KRT82: variants seen among roughly 807,000 people sequenced by gnomAD.
The protein encoded by KRT82 is keratin, type II cuticular Hb2.
A neutral mutation model predicts 48.0 loss-of-function variants in KRT82; 44 were observed. The ratio of observed to expected loss-of-function variants is 0.92; its 90% CI spans 0.72 to 1.18. KRT82 has a LOEUF of 1.18. Among genes scored for constraint, KRT82 ranks in the 50% most tolerant of loss-of-function variants. The pLI, the probability that KRT82 is intolerant of heterozygous loss-of-function variation, is 0.00. For synonymous variants in KRT82, 297 were observed against 278.3 expected (o/e 1.07, Z -0.67); for missense variants, 701 against 671.4 (o/e 1.04, Z -0.49).
At chr12:52,395,234 T>C (rs1381105620) in intron 8 of KRT82, 39 bp from the exon 9 acceptor site, 1 of 1,563,150 alleles carries the variant, frequency 6.4e-7, no homozygotes, top group East Asian at 2.3e-5. Context: ...CCCCACACGG[T>C]GTGGCTCTCA....
intron 3 of KRT82, among the ~76,000 whole-genome samples, chr12:52,400,981 G>A (rs1390732587): frequency 6.6e-6 from 1 of 152,206 alleles, no homozygotes; most frequent in East Asian, 1.9e-4. Context: ...GTTTGGCGTT[G>A]GCATCTGTCC....
intron 5 of KRT82, among the ~76,000 whole-genome samples, 178 bp from the exon 6 acceptor site, chr12:52,397,186 G>T (rs1299723585): frequency 6.6e-6 from 1 of 152,072 alleles, no homozygotes. Context: ...TCCTTTATGT[G>T]GGCTGTTCCT....
chr12:52,405,007 G>A (rs889696427), intron 1 of KRT82, among the ~76,000 whole-genome samples: 10 of 152,006 alleles, frequency 6.6e-5, no homozygotes, highest in South Asian at 2.1e-4. Flanking sequence ...TAAACCTTAC[G>A]GTCACCAGAA....
intron 2 of KRT82, 97 bp from the exon 3 acceptor site, chr12:52,401,446 G>C: frequency 8.3e-7 from 1 of 1,205,770 alleles, no homozygotes; most frequent in Non-Finnish European, 1.2e-6. Context: ...GCCTGTCACT[G>C]ACTGAATGCC....
At position 52,401,332 on chromosome 12, in the gene KRT82, G is replaced by C. The variant is rs767060292; in HGVS notation, c.638C>G (p.Ser213Cys). 2.5e-6 allele frequency: 4 copies of C among 1,614,038 alleles called. No individual in the cohort carries two copies. The African/African-American group carries it at 5.3e-5, about 22-fold the overall frequency. Residue 213 changes from serine (S) to cysteine (C), a missense_variant, in exon 3 of 9, where the codon TCC becomes TGC. Coordinates refer to ENST00000257974, the MANE Select transcript of KRT82 (RefSeq NM_033033.4). ...GYKKKYEEELSLRPCVENEFV... is the reference protein window; with the variant it reads ...GYKKKYEEELCLRPCVENEFV... ...CTCATTCTCAACACAGGGACGCAGG[G>C]AGAGCTCCTCTTCGTATCTGATGGA...
intron 8 of KRT82, 150 bp from the exon 9 acceptor site, chr12:52,395,345 C>T: frequency 1.5e-6 from 1 of 661,062 alleles, no homozygotes; most frequent in Non-Finnish European, 2.6e-6. Flanking sequence ...GCGTCTCCCA[C>T]CCTAGCCACA....
rs17121670 is a variant in KRT82 at position 52,403,913 on chromosome 12, C to A, written c.412-4G>T. ...TCTTCTGCTCCAGGAAACGGACCTG[C>A]AGCCAAGAATGGAATATCACCAGGC... On this transcript the variant is annotated splice_polypyrimidine_tract_variant and splice_region_variant and intron_variant, in intron 1 of 8. Coordinates refer to ENST00000257974, the MANE Select transcript of KRT82 (RefSeq NM_033033.4). 987 of 1,612,864 alleles carry A rather than the reference C, an allele frequency of 6.1e-4. 5 individuals are homozygous for A. In the Middle Eastern group the frequency reaches 8.1e-3, roughly 13 times the overall value.
chr12:52,401,187 A>G, intron 3 of KRT82, 102 bp downstream of exon 3: 2 of 941,094 alleles, frequency 2.1e-6, no homozygotes, highest in Non-Finnish European at 3.4e-6. Flanking sequence ...CCTTTTTCAG[A>G]GTGGGTGGGC....
chr12:52,395,926 T>A, intron 7 of KRT82, 86 bp downstream of exon 7: 1 of 1,568,362 alleles, frequency 6.4e-7, no homozygotes, highest in Non-Finnish European at 8.7e-7. Context: ...GGGGACGGGG[T>A]GAGAGATACT....
chr12:52,395,863 C>A, intron 7 of KRT82, 73 bp from the exon 8 acceptor site: 1 of 1,469,928 alleles, frequency 6.8e-7, no homozygotes, highest in South Asian at 1.3e-5. Context: ...TCTCCCCGCT[C>A]CCGCCCTCAT....
At chr12:52,395,988 T>C in intron 7 of KRT82, 24 bp downstream of exon 7, 1 of 1,613,584 alleles carries the variant, frequency 6.2e-7, no homozygotes. Context: ...AGCCCATCTT[T>C]GACCCCCTCC....
At position 52,400,157 on chromosome 12, in the gene KRT82, C is replaced by A; in HGVS notation, c.778-8G>T. ...CTGGAGCAGGCAGATCTCCTGGGGG[C>A]AGGGCCCATGTGAGAAGGAGTGAGC... On this transcript the variant is annotated splice_region_variant and splice_polypyrimidine_tract_variant and intron_variant, in intron 4 of 8. Transcript: ENST00000257974. 6.2e-7 allele frequency: 1 copy of A among 1,610,718 alleles called. No homozygotes were observed. The highest frequency in any genetic ancestry group is 1.3e-5 in the African/African-American group (1 of 75,010).
At chr12:52,405,331 C>G (rs558075745) in intron 1 of KRT82, among the ~76,000 whole-genome samples, 23 of 152,352 alleles carry the variant, frequency 1.5e-4, no homozygotes, top group African/African-American at 5.5e-4. Context: ...CTTTCAGTGG[C>G]TCTGGAGATG....
rs1276639399 is a variant in KRT82 at position 52,406,310 on chromosome 12, G to A, written c.-33C>T. 6.5e-7 allele frequency: 1 copy of A among 1,535,416 alleles called. No homozygotes were observed. Among genetic ancestry groups the A allele is most frequent in the East Asian group, 2.3e-5 (1 of 43,946 alleles). Reference sequence around the variant, plus strand: ...GAGAGAGGCAGAGAAATGCGGCCCTGGAGGAAAGAACCGGGGCAGGATGAT... The same window carrying A: ...GAGAGAGGCAGAGAAATGCGGCCCTAGAGGAAAGAACCGGGGCAGGATGAT... On this transcript the variant is annotated 5_prime_UTR_variant, in exon 1 of 9. Coordinates refer to ENST00000257974, the MANE Select transcript of KRT82 (RefSeq NM_033033.4).
intron 4 of KRT82, 99 bp from the exon 5 acceptor site, chr12:52,400,248 A>G (rs1939770661): frequency 8.4e-7 from 1 of 1,196,962 alleles, no homozygotes; most frequent in Non-Finnish European, 1.2e-6. Flanking sequence ...CAGAGTGCAT[A>G]GAACTCTGCT....
intron 5 of KRT82, among the ~76,000 whole-genome samples, chr12:52,397,537 T>A (rs1269873682): frequency 6.6e-6 from 1 of 152,258 alleles, no homozygotes; most frequent in Non-Finnish European, 1.5e-5. Flanking sequence ...CTTTGCACTC[T>A]GAATCCAATT....
Position 52,394,783 on chromosome 12 carries a change from T to G in KRT82, c.*192A>C. Reference sequence around the variant, plus strand: ...AGCTGAGGGTCTGCACACAGGTGAGTGGAAGGTGACTCATGAGGCAAAGGA... The same window carrying G: ...AGCTGAGGGTCTGCACACAGGTGAGGGGAAGGTGACTCATGAGGCAAAGGA... On this transcript the variant is annotated 3_prime_UTR_variant, in exon 9 of 9. Coordinates refer to ENST00000257974, the MANE Select transcript of KRT82 (RefSeq NM_033033.4). 1.6e-6 allele frequency: 1 copy of G among 607,104 alleles called. No individual in the cohort carries two copies. The highest frequency in any genetic ancestry group is 2.9e-5 in the Admixed American group (1 of 34,472). 37.6% of individuals were successfully genotyped at this position (607,104 alleles called of 1,614,324 possible).
intron 8 of KRT82, among the ~76,000 whole-genome samples, chr12:52,395,501 T>C (rs146394401): frequency 1.4e-4 from 21 of 152,286 alleles, no homozygotes; most frequent in African/African-American, 5.1e-4. Flanking sequence ...TAGAAGAGCA[T>C]CCTCTTGTCA....
At position 52,396,918 on chromosome 12, in the gene KRT82, G is replaced by T; in HGVS notation, c.1033C>A (p.Arg345=). The T allele has an allele frequency of 6.2e-7, 1 of 1,614,104 alleles. No individual in the cohort carries two copies. Among genetic ancestry groups the T allele is most frequent in the Non-Finnish European group, 8.5e-7 (1 of 1,180,018 alleles). Residue 345 remains arginine, a synonymous_variant, in exon 6 of 9, where the codon CGG becomes AGG. Transcript: ENST00000257974. ...EILEMNKLIQ[R]LQQETENVKA... Reference sequence around the variant, plus strand: ...ACATTCTCGGTTTCTTGCTGCAGCCGCTGGATCAGTTTATTCATTTCCAGG... The same window carrying T: ...ACATTCTCGGTTTCTTGCTGCAGCCTCTGGATCAGTTTATTCATTTCCAGG...
Sources: gnomAD v4.1 joint callset for allele counts (sites outside exome capture counted in the v4.1 genomes callset) on GRCh38, gnomAD v4.1.1 for gene constraint, MANE v1.5 for transcripts, NCBI Gene and HGNC (gene_info 2026-07-23, HGNC 2026-07-21) for gene names.